Variants in MCF2L2 observed in about 807,000 individuals in gnomAD.
The protein encoded by MCF2L2 is probable guanine nucleotide exchange factor MCF2L2.
Under a neutral mutation model 150.2 loss-of-function variants are expected in MCF2L2, and 102 were observed. The ratio of observed to expected loss-of-function variants is 0.68; its 90% CI spans 0.58 to 0.80. The LOEUF is 0.80. MCF2L2 is among the 30% of genes least tolerant of loss of function. The probability of loss-of-function intolerance (pLI) is 0.00; values close to 1 mark genes in which losing one functional copy is unlikely to be tolerated. For missense variants in MCF2L2, 1,256 were observed against 1,372.8 expected (o/e 0.91, Z 1.34); for synonymous variants, 465 against 491.3 (o/e 0.95, Z 0.71).
At chr3:183,302,002 C>G (rs1327640727) in intron 10 of MCF2L2, among the ~76,000 whole-genome samples, 1 of 152,072 alleles carries the variant, frequency 6.6e-6, no homozygotes, top group Non-Finnish European at 1.5e-5. Context: ...TTCTGGGAGT[C>G]TGAAATCTTG....
intron 15 of MCF2L2, among the ~76,000 whole-genome samples, chr3:183,242,003 T>G (rs1463202317): frequency 6.6e-6 from 1 of 152,222 alleles, no homozygotes; most frequent in Non-Finnish European, 1.5e-5. Context: ...ATTTTGCCCC[T>G]GCCCTAGAGA....
chr3:183,257,744 G>C (rs1159142964), intron 15 of MCF2L2, among the ~76,000 whole-genome samples: 1 of 152,118 alleles, frequency 6.6e-6, no homozygotes, highest in African/African-American at 2.4e-5. Context: ...TCGTCATCCT[G>C]TTTCTGAATC....
chr3:183,245,946 C>T (rs1724233272), intron 15 of MCF2L2, among the ~76,000 whole-genome samples: 1 of 152,118 alleles, frequency 6.6e-6, no homozygotes, highest in African/African-American at 2.4e-5. Context: ...TCTCATTACC[C>T]TGATGATTTT....
chr3:183,258,125 A>G lies in MCF2L2; in HGVS notation c.1862+18747T>C, dbSNP rs566214724. Among the ~76,000 whole-genome samples the G allele has an allele frequency of 4.5e-3, 687 of 151,036 alleles. 1 individual carries two copies. Among genetic ancestry groups the G allele is most frequent in the Non-Finnish European group, 7.5e-3 (506 of 67,684 alleles). ...TGGGATTACAGGCATGCTCCACCAC[A>G]CCCAGCTAATTTTTGTGTTTTTAGT... On this transcript the variant is annotated intron_variant, in intron 15 of 29. Coordinates refer to ENST00000328913, the MANE Select transcript of MCF2L2 (RefSeq NM_015078.4).
rs182563628 is a variant in MCF2L2, at chr3:183,234,368, C to A, written c.1863-3351G>T. 5.9e-5 allele frequency among the ~76,000 whole-genome samples: 9 copies of A among 152,280 alleles called. No individual in the cohort carries two copies. In the East Asian group the frequency reaches 7.7e-4, roughly 13 times the overall value. On this transcript the variant is annotated intron_variant, in intron 15 of 29. Coordinates refer to ENST00000328913, the MANE Select transcript of MCF2L2 (RefSeq NM_015078.4). ...TATGAACTTAAGAGACTCTTAGGAGCTTTTAGGACTCTAATACAGGAAAAT... is the reference window on the plus strand; with the variant it reads ...TATGAACTTAAGAGACTCTTAGGAGATTTTAGGACTCTAATACAGGAAAAT...
chr3:183,280,027 CA>C (rs879598642), intron 14 of MCF2L2, among the ~76,000 whole-genome samples: 242 of 138,390 alleles, frequency 1.7e-3, no homozygotes, highest in Middle Eastern at 3.7e-3. Context: ...ATTCCGTCTC[CA>C]AAAAAAAAAA....
At chr3:183,383,251 T>C (rs1218874082) in intron 2 of MCF2L2, among the ~76,000 whole-genome samples, 2 of 152,062 alleles carry the variant, frequency 1.3e-5, no homozygotes, top group Non-Finnish European at 2.9e-5. Flanking sequence ...ATTTATTTTT[T>C]GAGATGGAGT....
intron 2 of MCF2L2, among the ~76,000 whole-genome samples, chr3:183,383,621 T>C (rs957428372): frequency 2.6e-5 from 4 of 152,166 alleles, no homozygotes; most frequent in Admixed American, 2.0e-4. Context: ...CCCATCACAT[T>C]TTTGGTGACT....
chr3:183,318,776 G>A (rs1269607470), intron 6 of MCF2L2, among the ~76,000 whole-genome samples: 1 of 150,364 alleles, frequency 6.7e-6, no homozygotes, highest in Non-Finnish European at 1.5e-5. Flanking sequence ...ACAGTATACT[G>A]TAGTCTATTA....
At chr3:183,296,822 A>G (rs1484644994) in intron 12 of MCF2L2, 154 bp downstream of exon 12, 2 of 693,788 alleles carry the variant, frequency 2.9e-6, no homozygotes, top group South Asian at 2.0e-5. Flanking sequence ...TCAGGCCGAG[A>G]GTCTAAGAGG....
intron 27 of MCF2L2, among the ~76,000 whole-genome samples, chr3:183,186,370 T>C (rs1219817046): frequency 1.3e-5 from 2 of 152,164 alleles, no homozygotes; most frequent in African/African-American, 2.4e-5. Flanking sequence ...CCTTTCACCT[T>C]GGCCTGCCAA....
In MCF2L2 at chr3:183,428,611, ACAG is replaced by A. The variant is rs1716291291; in HGVS notation, c.-637_-635del. On this transcript the variant is annotated 5_prime_UTR_variant, in exon 1 of 30. Transcript: ENST00000328913. This position sits in a 1 kb window ranked among gnomAD's most constrained non-coding sequence, Gnocchi z 5.1. Reference sequence around the variant, plus strand: ...TTACTCGGAACCGTGGGGCGGGGAGACAGTGACTGAGGCGCTCCAGTCGCACCG... The same window carrying A: ...TTACTCGGAACCGTGGGGCGGGGAGATGACTGAGGCGCTCCAGTCGCACCG... 2.0e-5 allele frequency: 3 copies of A among 151,926 alleles called. No homozygotes were observed. The highest frequency in any genetic ancestry group is 2.0e-4 in the Admixed American group (3 of 15,266). 9.4% of individuals were successfully genotyped at this position (151,926 alleles called of 1,614,324 possible).
intron 15 of MCF2L2, among the ~76,000 whole-genome samples, chr3:183,268,884 G>C (rs887750323): frequency 6.6e-6 from 1 of 152,116 alleles, no homozygotes; most frequent in African/African-American, 2.4e-5. Context: ...TGAGGCGCCT[G>C]CTGCATTTCC....
intron 10 of MCF2L2, among the ~76,000 whole-genome samples, chr3:183,300,768 G>C (rs1459273630): frequency 9.2e-5 from 14 of 152,098 alleles, no homozygotes; most frequent in African/African-American, 3.1e-4. Flanking sequence ...TGTAATGCCA[G>C]CACTTTGGGA....
At chr3:183,302,318 A>T (rs979463291) in intron 10 of MCF2L2, among the ~76,000 whole-genome samples, 8 of 152,178 alleles carry the variant, frequency 5.3e-5, no homozygotes, top group Admixed American at 5.2e-4. Context: ...ATCTTCGAAG[A>T]AATGTGTGCA....
chr3:183,311,546 C>G, intron 8 of MCF2L2, 102 bp downstream of exon 8: 1 of 1,353,764 alleles, frequency 7.4e-7, no homozygotes, highest in Non-Finnish European at 1.0e-6. Flanking sequence ...TTGGCCCCAC[C>G]AAGACCCAAT....
intron 3 of MCF2L2, among the ~76,000 whole-genome samples, chr3:183,359,474 C>T (rs559552021): frequency 2.6e-4 from 39 of 152,308 alleles, no homozygotes; most frequent in African/African-American, 9.1e-4. Context: ...GCTCACACTC[C>T]AGCTGAAATT....
chr3:183,204,725 TA>T (rs1722412143), intron 25 of MCF2L2, among the ~76,000 whole-genome samples: 1 of 152,262 alleles, frequency 6.6e-6, no homozygotes, highest in African/African-American at 2.4e-5. Context: ...CAGCTTTACT[TA>T]CAGTATCCAA....
chr3:183,387,123 G>A (rs924063517), intron 2 of MCF2L2, among the ~76,000 whole-genome samples: 1 of 152,028 alleles, frequency 6.6e-6, no homozygotes, highest in South Asian at 2.1e-4. Flanking sequence ...GCATGATGGT[G>A]TGCGCCAATG....
Sources: allele counts gnomAD v4.1 joint callset (sites outside exome capture counted in the v4.1 genomes callset), GRCh38; gene constraint gnomAD v4.1.1; non-coding constraint Gnocchi (gnomAD v3.1); transcripts MANE v1.5; gene names NCBI Gene and HGNC (gene_info 2026-07-23, HGNC 2026-07-21).